THADA: variants seen among roughly 807,000 people sequenced by gnomAD.
THADA encodes the protein THADA armadillo repeat containing.
A neutral mutation model predicts 219.8 loss-of-function variants in THADA; 213 were observed. That is an observed-to-expected ratio of 0.97 (90% CI 0.87 to 1.09). The LOEUF (loss-of-function observed/expected upper bound fraction) is 1.09. Ranked by LOEUF, THADA falls within the 50% of genes least tolerant of loss-of-function variation. The probability of loss-of-function intolerance (pLI) is 0.00; values close to 1 mark genes in which losing one functional copy is unlikely to be tolerated. For synonymous variants in THADA, 1,018 were observed against 828.9 expected, an observed-to-expected ratio of 1.23 and a Z score of -3.92; for missense variants, 2,956 against 2,311.3, an observed-to-expected ratio of 1.28 and a Z score of -5.72.
intron 26 of THADA, among the ~76,000 whole-genome samples, chr2:43,465,240 TTAA>T (rs1373370760): frequency 6.6e-6 from 1 of 152,244 alleles, no homozygotes; most frequent in Non-Finnish European, 1.5e-5. Context: ...AAACAATTTC[TTAA>T]TAATAGTTTA....
At position 43,574,401 on chromosome 2, in the gene THADA, C is replaced by A; in HGVS notation, c.1664G>T (p.Ser555Ile). ...VIDYYLPKLL[S>I]YSPESLQYMV... ...GTACTGTAAGCTTTCAGGGCTGTAA[C>A]TTAATAATTTTGGCAAGTAATAATC... The change falls in exon 11 of 38, where the codon AGT (serine) becomes ATT (isoleucine). Residue 555 changes from serine to isoleucine, a missense_variant. Coordinates refer to ENST00000405975, the MANE Select transcript of THADA (RefSeq NM_022065.5). 4 of 1,609,752 alleles carry A rather than the reference C, an allele frequency of 2.5e-6. No homozygotes were observed. The highest frequency in any genetic ancestry group is 3.4e-6 in the Non-Finnish European group (4 of 1,177,752).
At chr2:43,320,246 C>T (rs377317998) in intron 31 of THADA, among the ~76,000 whole-genome samples, 200 bp downstream of exon 31, 4 of 152,168 alleles carry the variant, frequency 2.6e-5, no homozygotes, top group African/African-American at 7.2e-5. Context: ...AGAAAATAAA[C>T]GGCAAACTTC....
intron 36 of THADA, among the ~76,000 whole-genome samples, chr2:43,250,887 T>A (rs1232753527): frequency 6.6e-6 from 1 of 152,178 alleles, no homozygotes; most frequent in African/African-American, 2.4e-5. Flanking sequence ...GGATTGGGCC[T>A]CTTCAATGAG....
intron 20 of THADA, among the ~76,000 whole-genome samples, chr2:43,541,559 G>C (rs552179018): frequency 2.0e-5 from 3 of 151,724 alleles, no homozygotes; most frequent in African/African-American, 7.2e-5. Flanking sequence ...CCCAGGCTGG[G>C]GTGCAGTAGC....
At chr2:43,546,286 C>G (rs1339307452) in intron 20 of THADA, among the ~76,000 whole-genome samples, 12 of 151,920 alleles carry the variant, frequency 7.9e-5, no homozygotes, top group Admixed American at 6.6e-5. Context: ...AGCTTTACTT[C>G]CCACTACGTG....
At chr2:43,506,340 C>T (rs551860361) in intron 23 of THADA, among the ~76,000 whole-genome samples, 8 of 152,238 alleles carry the variant, frequency 5.3e-5, no homozygotes, top group East Asian at 1.9e-4. Flanking sequence ...GTATCTAACA[C>T]TTTGCCGATG....
At chr2:43,443,011 G>A (rs1392145918) in intron 26 of THADA, among the ~76,000 whole-genome samples, 1 of 152,094 alleles carries the variant, frequency 6.6e-6, no homozygotes, top group East Asian at 1.9e-4. Context: ...TCTAGCTTAG[G>A]TACCTGTCCT....
chr2:43,232,131 T>C (rs916910380), intron 37 of THADA, among the ~76,000 whole-genome samples: 7 of 152,186 alleles, frequency 4.6e-5, no homozygotes, highest in African/African-American at 1.7e-4. Context: ...ACAAGCAGTC[T>C]CCATAATAAA....
chr2:43,563,295 TTC>T (rs1459365400), intron 15 of THADA: 1 of 152,230 alleles, frequency 6.6e-6, no homozygotes. Context: ...TCATGATTTA[TTC>T]TTTTATCCAT....
intron 28 of THADA, among the ~76,000 whole-genome samples, chr2:43,402,473 A>G (rs9309101): frequency 0.36 from 54,023 of 152,052 alleles, 10,260 homozygotes; most frequent in African/African-American, 0.45. Context: ...AGATCATGCT[A>G]ACTTTACCAC....
In THADA at chr2:43,364,101, T is replaced by G. The variant is rs536319293; in HGVS notation, c.4228-19864A>C. Among the ~76,000 whole-genome samples, 158 of 150,584 alleles carry G rather than the reference T, an allele frequency of 1.0e-3. 1 individual carries two copies. Among genetic ancestry groups the G allele is most frequent in the African/African-American group, 3.8e-3 (154 of 40,398 alleles). ...TATATGGGTGTGACGGTGTGCACCT[T>G]TAGTTCCAGCTACCAGGGAGGCTGA... On this transcript the variant is annotated intron_variant, in intron 29 of 37. Transcript: ENST00000405975.
chr2:43,283,373 A>G (rs1015646864), intron 35 of THADA, among the ~76,000 whole-genome samples: 1 of 152,228 alleles, frequency 6.6e-6, no homozygotes, highest in Non-Finnish European at 1.5e-5. Flanking sequence ...TGTGGAAGCA[A>G]CTTTGGAACC....
intron 31 of THADA, among the ~76,000 whole-genome samples, chr2:43,315,677 G>A (rs540959522): frequency 2.0e-4 from 31 of 152,236 alleles, no homozygotes; most frequent in Non-Finnish European, 4.3e-4. Flanking sequence ...ATGTTGCCCA[G>A]GCTTATCTCG....
At chr2:43,566,402 T>C (rs1698683541) in intron 15 of THADA, 1 of 692,796 alleles carries the variant, frequency 1.4e-6, no homozygotes, top group Non-Finnish European at 2.6e-6. Flanking sequence ...GATACTATCT[T>C]AAAACAGCAA....
chr2:43,245,414 C>T (rs941060966), intron 36 of THADA, among the ~76,000 whole-genome samples: 9 of 152,106 alleles, frequency 5.9e-5, no homozygotes, highest in Admixed American at 2.0e-4. Flanking sequence ...CTCAGGTGAT[C>T]CACCCGCCTT....
At chr2:43,361,525 C>A (rs1168642188) in intron 29 of THADA, among the ~76,000 whole-genome samples, 2 of 152,224 alleles carry the variant, frequency 1.3e-5, no homozygotes, top group African/African-American at 4.8e-5. Context: ...TCTCCTAGCT[C>A]TGCATTATCA....
chr2:43,475,823 TAAAGA>T (rs901496943), intron 26 of THADA, among the ~76,000 whole-genome samples: 2 of 152,196 alleles, frequency 1.3e-5, no homozygotes, highest in African/African-American at 4.8e-5. Flanking sequence ...AATAATTACA[TAAAGA>T]AAATACATAA....
At chr2:43,326,557 T>C (rs188430507) in intron 30 of THADA, among the ~76,000 whole-genome samples, 1 of 152,292 alleles carries the variant, frequency 6.6e-6, no homozygotes, top group East Asian at 1.9e-4. Flanking sequence ...CTACAAGATA[T>C]AATCAAATAT....
At chr2:43,245,323 C>A (rs570176292) in intron 36 of THADA, among the ~76,000 whole-genome samples, 13 of 152,078 alleles carry the variant, frequency 8.5e-5, no homozygotes, top group East Asian at 3.9e-4. Flanking sequence ...CAGGCACATA[C>A]CACCACGCCT....
Sources: allele counts gnomAD v4.1 joint callset (sites outside exome capture counted in the v4.1 genomes callset), GRCh38; gene constraint gnomAD v4.1.1; transcripts MANE v1.5; gene names NCBI Gene and HGNC (gene_info 2026-07-23, HGNC 2026-07-21).